Variants in CFAP299 observed in about 807,000 individuals in gnomAD.
CFAP299 encodes cilia and flagella associated protein 299.
In CFAP299, 21 loss-of-function variants were observed where a neutral mutation model predicts 27.0. The observed-to-expected ratio is 0.78, with a 90% CI of 0.55 to 1.12. The LOEUF (loss-of-function observed/expected upper bound fraction) is 1.12. CFAP299 is among the 50% of genes most tolerant of loss of function. CFAP299 has a pLI of 0.00. For synonymous variants in CFAP299, 104 were observed against 98.1 expected (o/e 1.06, Z -0.36); for missense variants, 310 against 276.6 (o/e 1.12, Z -0.86).
chr4:80,737,848 T>TA (rs1379873657), intron 3 of CFAP299, among the ~76,000 whole-genome samples: 1 of 152,162 alleles, frequency 6.6e-6, no homozygotes, highest in Non-Finnish European at 1.5e-5. Flanking sequence ...TTCTTCTTTT[T>TA]AAAAGTAGAC....
At chr4:80,686,692 G>C (rs1450563187) in intron 3 of CFAP299, among the ~76,000 whole-genome samples, 2 of 152,116 alleles carry the variant, frequency 1.3e-5, no homozygotes, top group African/African-American at 4.8e-5. Context: ...TCTTTCTTTG[G>C]TGCTTAACCA....
In CFAP299 at chr4:80,855,307, T is replaced by C. The variant is rs565989790; in HGVS notation, c.334-14686T>C. On this transcript the variant is annotated intron_variant, in intron 3 of 5. Coordinates refer to ENST00000358105, the MANE Select transcript of CFAP299 (RefSeq NM_152770.3). ...ACTGTACCAATGATATATGATGTAA[T>C]TATTGTAGCTATTTTGTCTAATAGT... 3.9e-5 allele frequency among the ~76,000 whole-genome samples: 6 copies of C among 152,270 alleles called. No individual in the cohort carries two copies. The South Asian group carries it at 1.2e-3, about 32-fold the overall frequency.
intron 4 of CFAP299, among the ~76,000 whole-genome samples, chr4:80,897,752 A>G (rs574914372): frequency 6.6e-6 from 1 of 152,158 alleles, no homozygotes; most frequent in Non-Finnish European, 1.5e-5. Flanking sequence ...TGTATAATCT[A>G]TTTGAGCACA....
intron 3 of CFAP299, among the ~76,000 whole-genome samples, chr4:80,698,961 A>C (rs1250830640): frequency 2.0e-5 from 3 of 152,236 alleles, no homozygotes; most frequent in Admixed American, 2.0e-4. Context: ...GGGTGTGGAC[A>C]CAGCAAAACC....
At chr4:80,890,290 C>T (rs886982859) in intron 4 of CFAP299, among the ~76,000 whole-genome samples, 1 of 151,912 alleles carries the variant, frequency 6.6e-6, no homozygotes, top group African/African-American at 2.4e-5. Flanking sequence ...TTGCGTGATA[C>T]AAAATCAACA....
At chr4:80,447,119 G>GTTTTTTTTTTTTTTTT (rs71641487) in intron 2 of CFAP299, among the ~76,000 whole-genome samples, 5 of 65,506 alleles carry the variant, frequency 7.6e-5, no homozygotes, top group Non-Finnish European at 1.3e-4. Flanking sequence ...CTTTTTATTT[G>GTTTTTTTTTTTTTTTT]TTTTTTTTTT....
chr4:80,755,052 A>G (rs1725156367), intron 3 of CFAP299, among the ~76,000 whole-genome samples: 1 of 152,134 alleles, frequency 6.6e-6, no homozygotes, highest in Non-Finnish European at 1.5e-5. Flanking sequence ...AGTTTAATAA[A>G]AGTTCAGTCT....
At chr4:80,419,077 A>G (rs1044360583) in intron 2 of CFAP299, among the ~76,000 whole-genome samples, 3 of 152,214 alleles carry the variant, frequency 2.0e-5, no homozygotes, top group Non-Finnish European at 4.4e-5. Flanking sequence ...CCTCAGAAGA[A>G]AGAATTTGAC....
At chr4:80,668,267 C>T (rs1350355303) in intron 3 of CFAP299, among the ~76,000 whole-genome samples, 1 of 151,926 alleles carries the variant, frequency 6.6e-6, no homozygotes, top group Non-Finnish European at 1.5e-5. Flanking sequence ...TGTCTCTTCA[C>T]TTTGTACATG....
At chr4:80,480,761 A>G (rs751137356) in intron 2 of CFAP299, among the ~76,000 whole-genome samples, 8 of 152,032 alleles carry the variant, frequency 5.3e-5, no homozygotes, top group Non-Finnish European at 1.0e-4. Flanking sequence ...GTATGTGTTG[A>G]AAAATTCCTG....
In CFAP299 at chr4:80,827,708, TA is replaced by T. The variant is rs560639063; in HGVS notation, c.334-42282del. Among the ~76,000 whole-genome samples the T allele has an allele frequency of 2.5e-3, 376 of 152,056 alleles. 1 individual carries two copies. Among genetic ancestry groups the T allele is most frequent in the African/African-American group, 8.6e-3 (355 of 41,512 alleles). Reference sequence around the variant, plus strand: ...TACTAGAAGTCCTGGTCAAAGCAATTAAACAAAACAAATAAATAAAAAGCAT... The same window carrying T: ...TACTAGAAGTCCTGGTCAAAGCAATTAACAAAACAAATAAATAAAAAGCAT... On this transcript the variant is annotated intron_variant, in intron 3 of 5. Coordinates refer to ENST00000358105, the MANE Select transcript of CFAP299 (RefSeq NM_152770.3).
intron 3 of CFAP299, among the ~76,000 whole-genome samples, chr4:80,610,600 A>T (rs1222136188): frequency 6.6e-6 from 1 of 152,078 alleles, no homozygotes; most frequent in Non-Finnish European, 1.5e-5. Context: ...TACAGAATGT[A>T]TATTAGTTTA....
At chr4:80,605,481 A>G (rs9307720) in intron 3 of CFAP299, among the ~76,000 whole-genome samples, 97,132 of 152,050 alleles carry the variant, frequency 0.64, 34,149 homozygotes, top group Non-Finnish European at 0.78. Flanking sequence ...CCAAGAGGAA[A>G]TGGCATTACA....
chr4:80,508,737 T>TCC, intron 2 of CFAP299, among the ~76,000 whole-genome samples: 1 of 152,120 alleles, frequency 6.6e-6, no homozygotes, highest in African/African-American at 2.4e-5. Context: ...TTAAAATTTC[T>TCC]TGCAGAGACC....
intron 2 of CFAP299, chr4:80,386,615 C>T (rs1379369195): frequency 6.9e-6 from 11 of 1,598,274 alleles, no homozygotes; most frequent in South Asian, 4.4e-5. Context: ...GCCCTTGGCA[C>T]AGCCAGCATA....
chr4:80,822,760 A>G (rs1729772632), intron 3 of CFAP299, among the ~76,000 whole-genome samples: 1 of 152,208 alleles, frequency 6.6e-6, no homozygotes, highest in Non-Finnish European at 1.5e-5. Context: ...ATTCTAATAC[A>G]ATGTGCTTAT....
intron 3 of CFAP299, among the ~76,000 whole-genome samples, chr4:80,729,868 G>C (rs1029104322): frequency 3.3e-5 from 5 of 152,006 alleles, no homozygotes; most frequent in Non-Finnish European, 7.4e-5. Flanking sequence ...CTCCCAAAGT[G>C]CTGGGATTAC....
chr4:80,407,141 G>A (rs900667614), intron 2 of CFAP299, among the ~76,000 whole-genome samples: 6 of 151,976 alleles, frequency 3.9e-5, no homozygotes, highest in African/African-American at 1.2e-4. Flanking sequence ...GTCAAGCAAT[G>A]TCAATGAATG....
At chr4:80,372,820 G>T (rs72659815) in intron 2 of CFAP299, among the ~76,000 whole-genome samples, 34 of 152,200 alleles carry the variant, frequency 2.2e-4, no homozygotes, top group Non-Finnish European at 4.1e-4. Flanking sequence ...ATAACCCCGA[G>T]ACAAAATTGT....
Sources: gnomAD v4.1 joint callset for allele counts (sites outside exome capture counted in the v4.1 genomes callset) on GRCh38, gnomAD v4.1.1 for gene constraint, MANE v1.5 for transcripts, NCBI Gene and HGNC (gene_info 2026-07-23, HGNC 2026-07-21) for gene names.